Variants in SLC24A2 observed in about 807,000 individuals in gnomAD.
SLC24A2 encodes sodium/potassium/calcium exchanger 2.
SLC24A2 carries 36 observed loss-of-function variants against 62.0 expected under a neutral mutation model. That is an observed-to-expected ratio of 0.58 (90% CI 0.44 to 0.77). The LOEUF (loss-of-function observed/expected upper bound fraction) is 0.77, where lower values mean the gene tolerates loss of function less well. SLC24A2 is among the 30% of genes least tolerant of loss of function. The pLI is 0.00. For synonymous variants in SLC24A2, 358 were observed against 294.0 expected, an observed-to-expected ratio of 1.22 and a Z score of -2.23; for missense variants, 846 against 817.9, an observed-to-expected ratio of 1.03 and a Z score of -0.42.
At chr9:20,031,417 GCA>G in the SLC24A2 span, among the ~76,000 whole-genome samples, 1 of 146,274 alleles carries the variant, frequency 6.8e-6, no homozygotes, top group Non-Finnish European at 1.5e-5. Context: ...GCGCATATGT[GCA>G]CACACACACT....
At chr9:19,964,925 C>T in the SLC24A2 span, among the ~76,000 whole-genome samples, 1 of 152,032 alleles carries the variant, frequency 6.6e-6, no homozygotes, top group Non-Finnish European at 1.5e-5. Flanking sequence ...GGACACGGTC[C>T]TTTTTTTGCT....
chr9:19,754,397 T>G (rs1822072704), intron 2 of SLC24A2, among the ~76,000 whole-genome samples: 1 of 152,202 alleles, frequency 6.6e-6, no homozygotes, highest in Non-Finnish European at 1.5e-5. Context: ...ACTTAAGCAC[T>G]TCAACTGAAC....
chr9:20,168,294 T>C, the SLC24A2 span, among the ~76,000 whole-genome samples: 1 of 151,938 alleles, frequency 6.6e-6, no homozygotes, highest in Non-Finnish European at 1.5e-5. Flanking sequence ...TTCTCTAAGC[T>C]TAAAATTATT....
chr9:19,668,948 G>T (rs1043813939), intron 2 of SLC24A2, among the ~76,000 whole-genome samples: 1 of 152,184 alleles, frequency 6.6e-6, no homozygotes, highest in African/African-American at 2.4e-5. Context: ...ATAAGTGAAT[G>T]AGTGCTATAT....
the SLC24A2 span, among the ~76,000 whole-genome samples, chr9:20,179,453 C>A: frequency 6.6e-6 from 1 of 152,188 alleles, no homozygotes; most frequent in Non-Finnish European, 1.5e-5. Context: ...ATAAAATATT[C>A]AAACATCAGC....
At chr9:20,166,374 G>A in the SLC24A2 span, among the ~76,000 whole-genome samples, 1 of 151,916 alleles carries the variant, frequency 6.6e-6, no homozygotes, top group Admixed American at 6.6e-5. Flanking sequence ...CCAAAAATAG[G>A]AGGACCAAAT....
chr9:20,296,787 TA>T, the SLC24A2 span, among the ~76,000 whole-genome samples: 17 of 152,346 alleles, frequency 1.1e-4, no homozygotes, highest in Admixed American at 1.1e-3. Flanking sequence ...TATGCATTTA[TA>T]AATTTCACTT....
rs200582671 is a variant in SLC24A2, at chr9:19,573,463, A to G, written c.1235T>C (p.Ile412Thr). The G allele has an allele frequency of 6.3e-6, 10 of 1,588,664 alleles. No homozygotes were observed. In the East Asian group the frequency reaches 1.1e-4, roughly 18 times the overall value. The change falls in exon 7 of 11, where the codon ATT (isoleucine) becomes ACT (threonine). Residue 412 changes from isoleucine to threonine, a missense_variant. Transcript: ENST00000341998. ...QNGAANHVEK[I>T]ELPNSTSTDV... is the part of the protein sequence containing the mutation. ...TGTGCTGGTGCTGTTTGGAAGCTCA[A>G]TTTTTTCTGTGATATAATTTAAACA...
chr9:20,237,878 G>A, the SLC24A2 span, among the ~76,000 whole-genome samples: 4 of 152,232 alleles, frequency 2.6e-5, no homozygotes, highest in Non-Finnish European at 4.4e-5. Context: ...CTAGTGTTGA[G>A]TCATCCATTT....
the SLC24A2 span, among the ~76,000 whole-genome samples, chr9:20,150,409 T>C: frequency 2.6e-5 from 4 of 152,114 alleles, no homozygotes; most frequent in South Asian, 2.1e-4. Context: ...AAGAAAACTA[T>C]ATATAGTAGA....
Position 19,788,997 on chromosome 9 carries a change from G to A in SLC24A2, c.-266C>T, listed in dbSNP as rs1823265085. On this transcript the variant is annotated 5_prime_UTR_variant, in exon 1 of 11. Transcript: ENST00000341998. The stretch of plus-strand genomic sequence containing the variant: ...GAGGCCCGGGCTCTGGCTCGCACTG[G>A]CTGCCGCTCTCGCCAGCCGGGCTGG... The A allele has an allele frequency of 4.2e-6, 4 of 958,436 alleles. No homozygotes were observed. The highest frequency in any genetic ancestry group is 5.0e-6 in the Non-Finnish European group (4 of 805,222). 59.4% of individuals were successfully genotyped at this position (958,436 alleles called of 1,614,324 possible). A position where few individuals can be genotyped will look rare whatever the true frequency, so the allele number is the denominator to read the frequency against.
Position 19,788,992 on chromosome 9 carries a change from C to T in SLC24A2, c.-261G>A. ...GCTCTGAGGCCCGGGCTCTGGCTCG[C>T]ACTGGCTGCCGCTCTCGCCAGCCGG... is the stretch of plus-strand genomic sequence containing the variant. On this transcript the variant is annotated 5_prime_UTR_variant, in exon 1 of 11. Coordinates refer to ENST00000341998, the MANE Select transcript of SLC24A2 (RefSeq NM_020344.4). 1 of 966,876 alleles carries T rather than the reference C, an allele frequency of 1.0e-6. No individual in the cohort carries two copies. The highest frequency in any genetic ancestry group is 1.2e-6 in the Non-Finnish European group (1 of 813,000). The allele number at this position is 966,876 out of a possible 1,614,324, so 59.9% of individuals were successfully genotyped here.
the SLC24A2 span, among the ~76,000 whole-genome samples, chr9:19,908,998 T>C: frequency 5.9e-5 from 9 of 152,202 alleles, no homozygotes; most frequent in East Asian, 9.7e-4. Context: ...ACCCAAAGGA[T>C]TATAAATCAT....
chr9:20,102,638 A>C, the SLC24A2 span, among the ~76,000 whole-genome samples: 2 of 152,056 alleles, frequency 1.3e-5, no homozygotes, highest in Non-Finnish European at 2.9e-5. Context: ...AACTTAAAGT[A>C]TAATAATACT....
chr9:19,605,882 G>A (rs530265168), intron 4 of SLC24A2, among the ~76,000 whole-genome samples: 177 of 152,374 alleles, frequency 1.2e-3, no homozygotes, highest in Non-Finnish European at 2.3e-3. Context: ...GGGGCACACA[G>A]CTAGTAAGAG....
chr9:19,910,404 C>T, the SLC24A2 span, among the ~76,000 whole-genome samples: 1 of 152,128 alleles, frequency 6.6e-6, no homozygotes, highest in Non-Finnish European at 1.5e-5. Context: ...ACTGGCCTTC[C>T]TGCCTCTAGT....
the SLC24A2 span, among the ~76,000 whole-genome samples, chr9:20,288,147 T>C: frequency 1.3e-5 from 2 of 152,130 alleles, no homozygotes; most frequent in Non-Finnish European, 2.9e-5. Flanking sequence ...AAAGCAGTAC[T>C]TAGTGACTTG....
At chr9:19,920,234 A>G in the SLC24A2 span, among the ~76,000 whole-genome samples, 26 of 152,300 alleles carry the variant, frequency 1.7e-4, no homozygotes, top group African/African-American at 5.5e-4. Flanking sequence ...ATTGTTTAAA[A>G]TCATTTGGTA....
At chr9:19,867,762 G>A in the SLC24A2 span, among the ~76,000 whole-genome samples, 1 of 152,112 alleles carries the variant, frequency 6.6e-6, no homozygotes, top group Non-Finnish European at 1.5e-5. Flanking sequence ...ACAAAAATTA[G>A]CTGGGCGTGG....
Sources: gnomAD v4.1 joint callset for allele counts (sites outside exome capture counted in the v4.1 genomes callset) on GRCh38, gnomAD v4.1.1 for gene constraint, MANE v1.5 for transcripts, NCBI Gene and HGNC (gene_info 2026-07-23, HGNC 2026-07-21) for gene names.